Variants in RSRP1 observed in about 807,000 individuals in gnomAD.
RSRP1 encodes the protein arginine and serine rich protein 1.
Under a neutral mutation model 33.0 loss-of-function variants are expected in RSRP1, and 37 were observed. The observed-to-expected ratio is 1.12, with a 90% CI of 0.86 to 1.48. The LOEUF (loss-of-function observed/expected upper bound fraction) is 1.48, where lower values mean the gene tolerates loss of function less well. Among genes scored for constraint, RSRP1 ranks in the 40% most tolerant of loss-of-function variants. The pLI is 0.00. For synonymous variants in RSRP1, 167 were observed against 158.7 expected (o/e 1.05, Z -0.40); for missense variants, 402 against 385.3 (o/e 1.04, Z -0.36).
At chr1:25,303,380 T>G (rs1255525081) in intron 1 of RSRP1, 1 of 1,378,330 alleles carries the variant, frequency 7.3e-7, no homozygotes, top group Non-Finnish European at 1.0e-6. Flanking sequence ...TCGTGTCACC[T>G]GATCCCTTCT....
upstream of RSRP1, chr1:25,338,158 C>T (rs1397107700): frequency 1.3e-5 from 2 of 152,246 alleles, no homozygotes; most frequent in South Asian, 4.2e-4. Flanking sequence ...TCTCAAATGG[C>T]GTACTCCAAA....
At chr1:25,253,563 G>C (rs1639856988) in intron 1 of RSRP1, 1 of 152,176 alleles carries the variant, frequency 6.6e-6, no homozygotes, top group Admixed American at 6.5e-5. Context: ...GTTTCTCCAT[G>C]TTGGTCAGGC....
intron 1 of RSRP1, among the ~76,000 whole-genome samples, chr1:25,263,549 C>T (rs149615761): frequency 6.1e-3 from 932 of 151,942 alleles, no homozygotes; most frequent in African/African-American, 0.021. Context: ...AAGAACAGCA[C>T]GGGTAAGACC....
Position 25,244,856 on chromosome 1 carries a change from G to A in RSRP1, c.672+294C>T, listed in dbSNP as rs12097974. On this transcript the variant is annotated intron_variant, in intron 3 of 4. Coordinates refer to ENST00000243189, the MANE Select transcript of RSRP1 (RefSeq NM_020317.5). ...GCACCACCATGCCTGGCTAATTTTTGTATTTTTTGTAAACACGCGGTTTTG... is the reference window on the plus strand; with the variant it reads ...GCACCACCATGCCTGGCTAATTTTTATATTTTTTGTAAACACGCGGTTTTG... 2,992 of 1,070,300 alleles carry A rather than the reference G, an allele frequency of 2.8e-3. 57 individuals carry two copies. The African/African-American group carries it at 0.043, about 15-fold the overall frequency. The allele number at this position is 1,070,300 out of a possible 1,614,324, so 66.3% of individuals were successfully genotyped here. A position where few individuals can be genotyped will look rare whatever the true frequency, so the allele number is the denominator to read the frequency against.
At chr1:25,261,572 T>G (rs1640153794) in intron 1 of RSRP1, among the ~76,000 whole-genome samples, 1 of 151,800 alleles carries the variant, frequency 6.6e-6, no homozygotes. Context: ...GCCCAGCTAA[T>G]TTTTTGTATT....
chr1:25,252,058 T>C (rs1404682027), upstream of RSRP1, among the ~76,000 whole-genome samples: 1 of 150,462 alleles, frequency 6.6e-6, no homozygotes, highest in East Asian at 1.9e-4. Context: ...GCCTGGCTAA[T>C]TTTTGTTGCT....
rs1387584884 is a variant in RSRP1, at chr1:25,291,334, T to A, written c.-66-44305A>T. ...AAATACAAAATTTAGCTGGGCATGG[T>A]GGCAGGCGCCTGTAATCCCAGCTAC... On this transcript the variant is annotated intron_variant, in intron 1 of 1. Transcript: ENST00000561867. Among the ~76,000 whole-genome samples the A allele has an allele frequency of 1.5e-5, 2 of 131,062 alleles. 1 individual carries two copies. The highest frequency in any genetic ancestry group is 3.6e-5 in the Non-Finnish European group (2 of 55,368). The allele number at this position is 131,062 out of a possible 152,430, so 86.0% of individuals were successfully genotyped here. A position where few individuals can be genotyped will look rare whatever the true frequency, so the allele number is the denominator to read the frequency against.
intron 1 of RSRP1, among the ~76,000 whole-genome samples, chr1:25,254,877 T>C (rs1161808323): frequency 1.3e-5 from 2 of 152,194 alleles, no homozygotes; most frequent in African/African-American, 4.8e-5. Context: ...GTAGTGTCAC[T>C]ACAACGGAAG....
At chr1:25,322,354 TAA>T (rs1644757650) in intron 1 of RSRP1, among the ~76,000 whole-genome samples, 1 of 132,582 alleles carries the variant, frequency 7.5e-6, no homozygotes, top group South Asian at 2.3e-4. Flanking sequence ...TGACAGATGC[TAA>T]GAGTGGAGAC....
upstream of RSRP1, among the ~76,000 whole-genome samples, chr1:25,250,200 A>G (rs979204032): frequency 1.3e-5 from 2 of 152,198 alleles, no homozygotes; most frequent in Non-Finnish European, 2.9e-5. Flanking sequence ...AGGGGCTTAA[A>G]CTATCACTAA....
rs1243910639 is a variant in RSRP1, at chr1:25,296,750, C to G, written c.-67+41228G>C. Among the ~76,000 whole-genome samples, 2 of 123,292 alleles carry G rather than the reference C, an allele frequency of 1.6e-5. 1 individual carries two copies. Among genetic ancestry groups the G allele is most frequent in the Non-Finnish European group, 3.9e-5 (2 of 51,282 alleles). The allele number at this position is 123,292 out of a possible 152,430, so 80.9% of individuals were successfully genotyped here. ...TGGCACTTCCTCTCTCTCTTTCTCT[C>G]TCTCTCTCACCTGACACCACGTAAG... On this transcript the variant is annotated intron_variant, in intron 1 of 1. Transcript: ENST00000561867.
intron 1 of RSRP1, among the ~76,000 whole-genome samples, chr1:25,312,009 C>T (rs1644177405): frequency 8.4e-6 from 1 of 119,206 alleles, no homozygotes; most frequent in Admixed American, 8.1e-5. Context: ...TATCATAGTG[C>T]AATGCCAGCT....
chr1:25,250,020 G>A (rs1046065566), upstream of RSRP1, among the ~76,000 whole-genome samples: 4 of 152,168 alleles, frequency 2.6e-5, no homozygotes, highest in Admixed American at 6.6e-5. Flanking sequence ...GACAGCTAGC[G>A]CTCAAAATTC....
chr1:25,311,807 C>T (rs1463027349), intron 1 of RSRP1, among the ~76,000 whole-genome samples: 1 of 131,154 alleles, frequency 7.6e-6, no homozygotes, highest in East Asian at 1.9e-4. Context: ...AGGTAAAAGT[C>T]ATAAACCTTG....
chr1:25,266,719 C>T lies in RSRP1; in HGVS notation c.-66-19690G>A, dbSNP rs188173487. 68 of 155,800 alleles carry T rather than the reference C, an allele frequency of 4.4e-4. 21 individuals carry two copies. Among genetic ancestry groups the T allele is most frequent in the Middle Eastern group, 7.1e-3 (2 of 282 alleles). The allele number at this position is 155,800 out of a possible 1,614,324, so 9.7% of individuals were successfully genotyped here. Reference sequence around the variant, plus strand: ...AATGACAATTGACCCACATTTTTGACTGAAGTGAAAGGGGGTTCTGCTCCG... The same window carrying T: ...AATGACAATTGACCCACATTTTTGATTGAAGTGAAAGGGGGTTCTGCTCCG... On this transcript the variant is annotated intron_variant, in intron 1 of 1. Transcript: ENST00000561867.
intron 4 of RSRP1, 120 bp downstream of exon 4, chr1:25,243,430 A>T: frequency 1.6e-6 from 2 of 1,254,460 alleles, no homozygotes; most frequent in Non-Finnish European, 2.2e-6. Context: ...AAATGATTTT[A>T]ATTCTATTTA....
intron 1 of RSRP1, chr1:25,284,586 G>C (rs1427496632): frequency 7.2e-7 from 1 of 1,389,280 alleles, no homozygotes; most frequent in Admixed American, 1.8e-5. Context: ...GCCAAGATCT[G>C]ACCGTGATGG....
At chr1:25,284,629 T>G (rs1195482448) in intron 1 of RSRP1, 1 of 1,388,872 alleles carries the variant, frequency 7.2e-7, no homozygotes, top group African/African-American at 1.4e-5. Context: ...CACCTCGAGT[T>G]TCCGGAGACA....
chr1:25,304,143 C>T (rs1389621297), intron 1 of RSRP1, among the ~76,000 whole-genome samples: 2 of 81,404 alleles, frequency 2.5e-5, no homozygotes, highest in Non-Finnish European at 2.9e-5. Flanking sequence ...AAATCCTGAT[C>T]GTTCCAGAAT....
Sources: allele counts gnomAD v4.1 joint callset (sites outside exome capture counted in the v4.1 genomes callset), GRCh38; gene constraint gnomAD v4.1.1; transcripts MANE v1.5; gene names NCBI Gene and HGNC (gene_info 2026-07-23, HGNC 2026-07-21).